The following ARHGAP44 variants were observed in gnomAD, a reference collection of about 807,000 sequenced individuals.
ARHGAP44 encodes rho GTPase-activating protein 44.
Under a neutral mutation model 106.8 loss-of-function variants are expected in ARHGAP44, and 43 were observed. The observed-to-expected ratio is 0.40, with a 90% CI of 0.32 to 0.52. The LOEUF is 0.52. Among genes scored for constraint, ARHGAP44 ranks in the 20% least tolerant of loss-of-function variants. The probability of loss-of-function intolerance (pLI) is 0.48; values close to 1 mark genes in which losing one functional copy is unlikely to be tolerated. For missense variants in ARHGAP44, 866 were observed against 1,050.5 expected (o/e 0.82, Z 2.43); for synonymous variants, 439 against 410.3 (o/e 1.07, Z -0.85).
chr17:12,908,872 A>G, intron 3 of ARHGAP44, 25 bp from the exon 4 acceptor site: 1 of 1,591,356 alleles, frequency 6.3e-7, no homozygotes, highest in Non-Finnish European at 8.6e-7. Context: ...AGTAGCTTTC[A>G]TTACAGCATT....
intron 1 of ARHGAP44, among the ~76,000 whole-genome samples, chr17:12,881,200 G>T (rs1277135276): frequency 6.6e-6 from 1 of 150,750 alleles, no homozygotes; most frequent in Non-Finnish European, 1.5e-5. Flanking sequence ...TTTCTTTTAT[G>T]GTTAGTGTTC....
intron 1 of ARHGAP44, among the ~76,000 whole-genome samples, chr17:12,802,753 CTTTTTTTTTT>C (rs869172678): frequency 5.5e-5 from 6 of 108,712 alleles, no homozygotes; most frequent in African/African-American, 1.0e-4. Context: ...TTTTTTATTT[CTTTTTTTTTT>C]TTTTTTTTTT....
intron 16 of ARHGAP44, among the ~76,000 whole-genome samples, chr17:12,971,244 A>G (rs1046078014): frequency 6.6e-6 from 1 of 152,128 alleles, no homozygotes; most frequent in African/African-American, 2.4e-5. Context: ...CCCTTGGTAA[A>G]CCAGAAGATC....
At chr17:12,927,057 C>T (rs1247629858) in intron 6 of ARHGAP44, among the ~76,000 whole-genome samples, 1 of 152,028 alleles carries the variant, frequency 6.6e-6, no homozygotes, top group Non-Finnish European at 1.5e-5. Context: ...AAAAATTACC[C>T]AGGAATTCTT....
intron 1 of ARHGAP44, among the ~76,000 whole-genome samples, chr17:12,846,664 T>C (rs566115573): frequency 1.3e-5 from 2 of 152,374 alleles, no homozygotes; most frequent in African/African-American, 4.8e-5. Context: ...TTTTTGGTTA[T>C]CTTGAAAACC....
intron 1 of ARHGAP44, among the ~76,000 whole-genome samples, chr17:12,814,653 G>A (rs2034544796): frequency 6.6e-6 from 1 of 151,866 alleles, no homozygotes; most frequent in African/African-American, 2.4e-5. Flanking sequence ...GGGAATATAT[G>A]TTTATATGCA....
chr17:12,943,707 G>C, intron 9 of ARHGAP44, 38 bp downstream of exon 9: 1 of 1,597,686 alleles, frequency 6.3e-7, no homozygotes. Flanking sequence ...GAGGGCCGGG[G>C]TGCCTGCTTG....
intron 1 of ARHGAP44, among the ~76,000 whole-genome samples, chr17:12,890,867 T>C (rs1304815702): frequency 6.6e-6 from 1 of 152,200 alleles, no homozygotes; most frequent in Non-Finnish European, 1.5e-5. Flanking sequence ...TGCTTAGAAA[T>C]TTCTTCCACC....
chr17:12,898,828 A>G (rs779823444), intron 3 of ARHGAP44, among the ~76,000 whole-genome samples: 2 of 152,226 alleles, frequency 1.3e-5, no homozygotes, highest in Non-Finnish European at 2.9e-5. Context: ...TAGAGAAGAC[A>G]CACAGTGGTT....
At chr17:12,896,559 A>T (rs1761983703) in intron 3 of ARHGAP44, 48 bp downstream of exon 3, 4 of 1,502,222 alleles carry the variant, frequency 2.7e-6, no homozygotes, top group Non-Finnish European at 3.6e-6. Flanking sequence ...CCTACTGAGG[A>T]CAAGGTTCCT....
At chr17:12,867,956 A>T (rs967420936) in intron 1 of ARHGAP44, among the ~76,000 whole-genome samples, 4 of 152,214 alleles carry the variant, frequency 2.6e-5, no homozygotes, top group African/African-American at 9.6e-5. Flanking sequence ...CGTTATAATC[A>T]ACCCTTATAA....
At chr17:12,820,810 T>C (rs4792285) in intron 1 of ARHGAP44, among the ~76,000 whole-genome samples, 48,281 of 151,970 alleles carry the variant, frequency 0.32, 9,710 homozygotes, top group African/African-American at 0.57. Context: ...TTTATGTTAT[T>C]CCAGTGTGAT....
At chr17:12,847,512 CTTTTTTTTTT>C (rs58514182) in intron 1 of ARHGAP44, among the ~76,000 whole-genome samples, 4 of 125,480 alleles carry the variant, frequency 3.2e-5, no homozygotes, top group African/African-American at 1.3e-4. Flanking sequence ...TACCATCACT[CTTTTTTTTTT>C]TTTTTTTTTG....
intron 1 of ARHGAP44, among the ~76,000 whole-genome samples, chr17:12,834,104 G>A (rs1034181798): frequency 1.1e-4 from 16 of 152,060 alleles, no homozygotes; most frequent in African/African-American, 1.9e-4. Context: ...CCAAGAGTAC[G>A]GGTCCAATTA....
intron 3 of ARHGAP44, among the ~76,000 whole-genome samples, chr17:12,908,371 G>A (rs1274919493): frequency 1.3e-5 from 2 of 151,670 alleles, no homozygotes; most frequent in Admixed American, 6.6e-5. Flanking sequence ...TAATTTTTAT[G>A]TTATTAGTAG....
intron 1 of ARHGAP44, among the ~76,000 whole-genome samples, chr17:12,833,190 AG>A (rs2035138137): frequency 6.6e-6 from 1 of 152,218 alleles, no homozygotes; most frequent in Non-Finnish European, 1.5e-5. Context: ...TGGGGAAGAA[AG>A]GGGACCAAGT....
chr17:12,792,724 G>A (rs1038499328), intron 1 of ARHGAP44, among the ~76,000 whole-genome samples: 1 of 152,058 alleles, frequency 6.6e-6, no homozygotes, highest in Non-Finnish European at 1.5e-5. Flanking sequence ...CTCATGGCTC[G>A]CCTTCCCTAA....
chr17:12,789,695 C>T lies in ARHGAP44; in HGVS notation c.-144C>T. 3.4e-6 allele frequency: 2 copies of T among 585,034 alleles called. No individual in the cohort carries two copies. Among genetic ancestry groups the T allele is most frequent in the Non-Finnish European group, 5.1e-6 (2 of 394,402 alleles). The allele number at this position is 585,034 out of a possible 1,614,324, so 36.2% of individuals were successfully genotyped here. On this transcript the variant is annotated 5_prime_UTR_variant, in exon 1 of 21. Coordinates refer to ENST00000379672, the MANE Select transcript of ARHGAP44 (RefSeq NM_014859.6). ...GCGGCGCCCTCGGGAGGGAGCTGCG[C>T]GCGGGCCAGACGGCGCCCGGAGGCT... is the stretch of plus-strand genomic sequence containing the variant.
chr17:12,923,784 A>G (rs1330515923), intron 6 of ARHGAP44, among the ~76,000 whole-genome samples: 1 of 152,120 alleles, frequency 6.6e-6, no homozygotes, highest in Non-Finnish European at 1.5e-5. Context: ...AAGCCAACCC[A>G]ACACAACTTC....
Sources: gnomAD v4.1 joint callset for allele counts (sites outside exome capture counted in the v4.1 genomes callset) on GRCh38, gnomAD v4.1.1 for gene constraint, MANE v1.5 for transcripts, NCBI Gene and HGNC (gene_info 2026-07-23, HGNC 2026-07-21) for gene names.